Variants in ATL1 observed in about 807,000 individuals in gnomAD.
ATL1 encodes atlastin-1.
In ATL1, 31 loss-of-function variants were observed where a neutral mutation model predicts 75.5. The observed-to-expected ratio is 0.41, with a 90% CI of 0.31 to 0.55. The LOEUF (loss-of-function observed/expected upper bound fraction) is 0.55, where lower values mean the gene tolerates loss of function less well. Among genes scored for constraint, ATL1 ranks in the 20% least tolerant of loss-of-function variants. The pLI is 0.27. For missense variants in ATL1, 405 were observed against 662.6 expected (o/e 0.61, Z 4.27); for synonymous variants, 226 against 233.3 (o/e 0.97, Z 0.28).
At position 50,607,548 on chromosome 14, in the gene ATL1, CT is replaced by C. The variant is rs2039327039; in HGVS notation, c.631-5706del. ...TTAAAGCAATGAGGCTCTCTGTTGG[CT>C]TTTTGTGTGGGTTGTTGATTGAAGT... On this transcript the variant is annotated intron_variant, in intron 6 of 13. Coordinates refer to ENST00000358385, the MANE Select transcript of ATL1 (RefSeq NM_015915.5). 3.9e-5 allele frequency among the ~76,000 whole-genome samples: 6 copies of C among 152,046 alleles called. No homozygotes were observed. In the South Asian group the frequency reaches 1.2e-3, roughly 32 times the overall value.
In ATL1 at chr14:50,595,614, A is replaced by G; in HGVS notation, c.612A>G (p.Thr204=). 1 of 1,613,974 alleles carries G rather than the reference A, an allele frequency of 6.2e-7. No homozygotes were observed. The highest frequency in any genetic ancestry group is 8.5e-7 in the Non-Finnish European group (1 of 1,179,974). ...TEYGRLAMEE[T]FLKPFQSLIF... ...ATGGCAGACTGGCAATGGAGGAAAC[A>G]TTCCTGAAGCCATTTCAGGTGAGCG... Residue 204 remains threonine (T), a synonymous_variant, in exon 6 of 14, where the codon ACA becomes ACG. Coordinates refer to ENST00000358385, the MANE Select transcript of ATL1 (RefSeq NM_015915.5).
At chr14:50,549,019 G>A (rs1217847455) in intron 1 of ATL1, among the ~76,000 whole-genome samples, 2 of 152,158 alleles carry the variant, frequency 1.3e-5, no homozygotes, top group Non-Finnish European at 2.9e-5. Flanking sequence ...CTGCAGAAAT[G>A]GCATGCCTGT....
At chr14:50,621,008 T>C (rs2039462530) in intron 9 of ATL1, among the ~76,000 whole-genome samples, 2 of 149,704 alleles carry the variant, frequency 1.3e-5, no homozygotes, top group African/African-American at 5.1e-5. Flanking sequence ...GTTGGAAAAG[T>C]CTTTTGGGGG....
intron 1 of ATL1, among the ~76,000 whole-genome samples, chr14:50,582,873 T>C (rs76722891): frequency 0.037 from 5,707 of 152,278 alleles, 103 homozygotes; most frequent in Middle Eastern, 0.058. Context: ...AACATTATAC[T>C]ATACCCTGAG....
At chr14:50,623,958 A>C (rs2039492263) in intron 11 of ATL1, among the ~76,000 whole-genome samples, 1 of 152,132 alleles carries the variant, frequency 6.6e-6, no homozygotes, top group Non-Finnish European at 1.5e-5. Context: ...GGGAGGCTGA[A>C]GCAGGGTAAT....
chr14:50,618,057 C>A (rs532034035), intron 8 of ATL1, among the ~76,000 whole-genome samples: 2 of 152,256 alleles, frequency 1.3e-5, no homozygotes, highest in African/African-American at 4.8e-5. Flanking sequence ...TGCATTAACA[C>A]ACAGTCGTAT....
In ATL1 at chr14:50,567,336, A is replaced by G. The variant is rs565694532; in HGVS notation, c.34+7037A>G. Among the ~76,000 whole-genome samples the G allele has an allele frequency of 9.8e-5, 15 of 152,286 alleles. No individual in the cohort carries two copies. The East Asian group carries it at 1.3e-3, about 14-fold the overall frequency. ...GGCTGAATAGCATTCCGTTGTAAGT[A>G]TACACCACATTTTTTTATCCATTCA... On this transcript the variant is annotated intron_variant, in intron 1 of 13. Transcript: ENST00000358385.
chr14:50,629,897 G>A, intron 12 of ATL1, 98 bp from the exon 13 acceptor site: 1 of 794,042 alleles, frequency 1.3e-6, no homozygotes, highest in Non-Finnish European at 1.9e-6. Flanking sequence ...GTTCTGAAAT[G>A]CTCACAAATT....
At chr14:50,549,295 G>T (rs930139676) in intron 1 of ATL1, among the ~76,000 whole-genome samples, 1 of 152,178 alleles carries the variant, frequency 6.6e-6, no homozygotes, top group Non-Finnish European at 1.5e-5. Flanking sequence ...TACATCATAA[G>T]AGCAGCCACA....
chr14:50,619,451 C>A (rs2039445954), intron 8 of ATL1, among the ~76,000 whole-genome samples: 1 of 152,166 alleles, frequency 6.6e-6, no homozygotes, highest in South Asian at 2.1e-4. Context: ...GATCCACCTG[C>A]CTCGGCCTCC....
intron 12 of ATL1, among the ~76,000 whole-genome samples, chr14:50,629,625 A>G (rs969401776): frequency 6.6e-5 from 10 of 151,998 alleles, no homozygotes; most frequent in South Asian, 6.2e-4. Flanking sequence ...ACTTTATAAC[A>G]TAATTGTAAC....
chr14:50,627,641 A>C (rs2039534305), intron 11 of ATL1, among the ~76,000 whole-genome samples: 1 of 152,256 alleles, frequency 6.6e-6, no homozygotes, highest in Non-Finnish European at 1.5e-5. Flanking sequence ...TCATTGGTTA[A>C]CATGACTTCA....
chr14:50,546,889 C>T (rs143767938), intron 1 of ATL1, among the ~76,000 whole-genome samples: 2,258 of 152,000 alleles, frequency 0.015, 48 homozygotes, highest in African/African-American at 0.051. Context: ...GCGGAACATG[C>T]AGGTTTGTTA....
At chr14:50,540,972 G>A (rs2038553534) in intron 1 of ATL1, among the ~76,000 whole-genome samples, 1 of 152,176 alleles carries the variant, frequency 6.6e-6, no homozygotes, top group Non-Finnish European at 1.5e-5. Flanking sequence ...GGAGAATGTG[G>A]ATTATTAAAA....
In ATL1 at chr14:50,587,911, A is replaced by G. The variant is rs756464141; in HGVS notation, c.115A>G (p.Ile39Val). Residue 39 changes from isoleucine (I) to valine (V), a missense_variant, in exon 2 of 14, where the codon ATT becomes GTT. Physicochemically the swap from Ile to Val is conservative, Grantham distance 29. Transcript: ENST00000358385. ...AAAGGCAGGACCAGTCCAAGTCCTC[A>G]TTGTCAAAGATGACCATTCCTTTGA... The part of the protein sequence containing the change: ...VKKAGPVQVL[I>V]VKDDHSFELD... The G allele has an allele frequency of 2.2e-5, 35 of 1,614,164 alleles. No homozygotes were observed. The highest frequency in any genetic ancestry group is 1.7e-4 in the Middle Eastern group (1 of 6,060).
At chr14:50,576,112 T>C (rs1010579299) in intron 1 of ATL1, among the ~76,000 whole-genome samples, 1 of 152,228 alleles carries the variant, frequency 6.6e-6, no homozygotes, top group Non-Finnish European at 1.5e-5. Context: ...CCATTCTTTT[T>C]TCACTTTCAA....
intron 8 of ATL1, among the ~76,000 whole-genome samples, chr14:50,617,694 G>A (rs1373611161): frequency 6.6e-6 from 1 of 152,132 alleles, no homozygotes; most frequent in African/African-American, 2.4e-5. Context: ...TGCCCTTGTG[G>A]AAAAAATTAC....
intron 6 of ATL1, among the ~76,000 whole-genome samples, chr14:50,597,999 G>A (rs148369075): frequency 1.2e-3 from 185 of 152,100 alleles, no homozygotes; most frequent in African/African-American, 4.4e-3. Flanking sequence ...CCGGCCAATA[G>A]CGTTTCTTAA....
At chr14:50,574,242 T>C (rs1321432042) in intron 1 of ATL1, among the ~76,000 whole-genome samples, 1 of 152,232 alleles carries the variant, frequency 6.6e-6, no homozygotes, top group Non-Finnish European at 1.5e-5. Flanking sequence ...TGCCATGTGC[T>C]GCAAGTCTCA....
Sources: allele counts gnomAD v4.1 joint callset (sites outside exome capture counted in the v4.1 genomes callset), GRCh38; gene constraint gnomAD v4.1.1; transcripts MANE v1.5; gene names NCBI Gene and HGNC (gene_info 2026-07-23, HGNC 2026-07-21).